HMGB1: variants seen among roughly 807,000 people sequenced by gnomAD.
HMGB1 encodes high mobility group protein B1.
For missense variants in HMGB1, 79 were observed against 253.5 expected, an observed-to-expected ratio of 0.31 and a Z score of 4.67; for synonymous variants, 81 against 84.0, an observed-to-expected ratio of 0.96 and a Z score of 0.19.
intron 1 of HMGB1, among the ~76,000 whole-genome samples, chr13:30,485,144 G>A (rs1196585676): frequency 6.7e-6 from 1 of 149,260 alleles, no homozygotes; most frequent in African/African-American, 2.5e-5. Context: ...TGGTTCTCCT[G>A]CCTCAGCCTC....
intron 1 of HMGB1, among the ~76,000 whole-genome samples, chr13:30,519,605 C>T (rs1888191190): frequency 6.6e-6 from 1 of 151,368 alleles, no homozygotes; most frequent in African/African-American, 2.4e-5. Flanking sequence ...GAGGCTGAGG[C>T]AGGAGAATGG....
At chr13:30,557,134 C>A (rs1869725814) in intron 1 of HMGB1, among the ~76,000 whole-genome samples, 1 of 152,070 alleles carries the variant, frequency 6.6e-6, no homozygotes, top group South Asian at 2.1e-4. Context: ...TGCTGTTTTT[C>A]AAAAATCATA....
chr13:30,577,168 C>T (rs1448573797), intron 1 of HMGB1, among the ~76,000 whole-genome samples: 1 of 151,972 alleles, frequency 6.6e-6, no homozygotes, highest in South Asian at 2.1e-4. Flanking sequence ...CAGAGTGAGA[C>T]TCCATCTCTA....
rs1162630034 is a variant in HMGB1 at position 30,464,434 on chromosome 13, G to A, written c.-14-740C>T. 23 of 985,368 alleles carry A rather than the reference G, an allele frequency of 2.3e-5. 1 individual carries two copies. In the South Asian group the frequency reaches 8.9e-4, roughly 38 times the overall value. The allele number at this position is 985,368 out of a possible 1,614,324, so 61.0% of individuals were successfully genotyped here. On this transcript the variant is annotated intron_variant, in intron 1 of 4. Transcript: ENST00000341423. ...TCCCCCAACTCGGGAAGTATTTTTT[G>A]GAGCCGTGAAAGTTGGGGTGACTCC...
intron 1 of HMGB1, among the ~76,000 whole-genome samples, chr13:30,605,071 C>A (rs1289895426): frequency 6.6e-6 from 1 of 152,180 alleles, no homozygotes; most frequent in Non-Finnish European, 1.5e-5. Context: ...AGAAGAACGA[C>A]GTTCCTCATA....
intron 1 of HMGB1, among the ~76,000 whole-genome samples, chr13:30,527,249 G>A (rs538771205): frequency 4.6e-5 from 7 of 152,334 alleles, no homozygotes; most frequent in African/African-American, 9.6e-5. Flanking sequence ...ACTTAGGTCC[G>A]TAGTCTGTTT....
intron 1 of HMGB1, among the ~76,000 whole-genome samples, chr13:30,510,547 T>C (rs1165045281): frequency 6.6e-6 from 1 of 151,710 alleles, no homozygotes; most frequent in Admixed American, 6.6e-5. Flanking sequence ...ATTTTTTTTT[T>C]CCATCCTTCT....
intron 1 of HMGB1, among the ~76,000 whole-genome samples, chr13:30,517,624 A>G (rs2014826): frequency 0.12 from 18,750 of 152,132 alleles, 1,587 homozygotes; most frequent in East Asian, 0.28. Flanking sequence ...CCTGACCTCA[A>G]ATGATCCGCC....
intron 1 of HMGB1, among the ~76,000 whole-genome samples, chr13:30,600,352 G>A (rs1950386934): frequency 6.6e-6 from 1 of 152,158 alleles, no homozygotes; most frequent in Admixed American, 6.5e-5. Context: ...TTAGATCACT[G>A]TCTGCTTTAA....
At chr13:30,568,418 G>A (rs1234307303) in intron 1 of HMGB1, among the ~76,000 whole-genome samples, 1 of 152,128 alleles carries the variant, frequency 6.6e-6, no homozygotes, top group African/African-American at 2.4e-5. Context: ...GAGGCAGAAG[G>A]ACTGCTCAAG....
At chr13:30,508,213 T>G (rs1367365074) in intron 1 of HMGB1, among the ~76,000 whole-genome samples, 2 of 152,168 alleles carry the variant, frequency 1.3e-5, no homozygotes, top group South Asian at 2.1e-4. Context: ...CCATGTCTTA[T>G]GGAATTGAAA....
Position 30,464,420 on chromosome 13 carries a change from G to A in HMGB1, c.-14-726C>T, listed in dbSNP as rs1053012978. ...GCTCGGTGGCCCCCTCCCCCAACTC[G>A]GGAAGTATTTTTTGGAGCCGTGAAA... On this transcript the variant is annotated intron_variant, in intron 1 of 4. Transcript: ENST00000341423. The A allele has an allele frequency of 3.6e-5, 35 of 985,398 alleles. 1 individual carries two copies. The South Asian group carries it at 1.5e-3, about 41-fold the overall frequency. 61.0% of individuals were successfully genotyped at this position (985,398 alleles called of 1,614,324 possible).
chr13:30,466,213 C>G (rs533022794), upstream of HMGB1, among the ~76,000 whole-genome samples: 36 of 152,304 alleles, frequency 2.4e-4, no homozygotes, highest in Non-Finnish European at 4.7e-4. Flanking sequence ...CAGCCCCACA[C>G]CGGAGCGGCC....
At chr13:30,601,581 T>A (rs1950401707) in intron 1 of HMGB1, among the ~76,000 whole-genome samples, 1 of 79,308 alleles carries the variant, frequency 1.3e-5, no homozygotes, top group South Asian at 4.0e-4. Flanking sequence ...CCGTCTCTAC[T>A]AAAAATACAA....
At chr13:30,615,727 G>C (rs544602023) in intron 1 of HMGB1, among the ~76,000 whole-genome samples, 2 of 152,242 alleles carry the variant, frequency 1.3e-5, no homozygotes, top group East Asian at 3.9e-4. Context: ...TTGGGCCAAA[G>C]ACTTGTATTG....
intron 1 of HMGB1, among the ~76,000 whole-genome samples, chr13:30,518,846 CAAA>C (rs58109089): frequency 9.0e-5 from 8 of 88,972 alleles, no homozygotes; most frequent in East Asian, 3.3e-4. Flanking sequence ...GCTGGGACCA[CAAA>C]AAAAAAAAAA....
intron 1 of HMGB1, among the ~76,000 whole-genome samples, chr13:30,612,816 T>A (rs899514338): frequency 5.3e-5 from 8 of 152,228 alleles, no homozygotes; most frequent in African/African-American, 1.9e-4. Flanking sequence ...CTTCAACAAG[T>A]ACTTATAGAA....
chr13:30,554,780 G>A (rs1447486913), intron 1 of HMGB1: 1 of 766,460 alleles, frequency 1.3e-6, no homozygotes, highest in Non-Finnish European at 2.4e-6. Context: ...GGCTAAATGA[G>A]AACGAACAAA....
At chr13:30,543,662 C>T (rs1397835366) in intron 1 of HMGB1, among the ~76,000 whole-genome samples, 1 of 152,068 alleles carries the variant, frequency 6.6e-6, no homozygotes, top group South Asian at 2.1e-4. Flanking sequence ...GTTTGGATAC[C>T]AGGGAGAGGG....
Sources: gnomAD v4.1 joint callset for allele counts (sites outside exome capture counted in the v4.1 genomes callset) on GRCh38, gnomAD v4.1.1 for gene constraint, MANE v1.5 for transcripts, NCBI Gene and HGNC (gene_info 2026-07-23, HGNC 2026-07-21) for gene names.